Variants in LIG3 observed in about 807,000 individuals in gnomAD.
The protein encoded by LIG3 is DNA ligase 3, also known as ligase II, DNA, ATP-dependent.
LIG3 carries 58 observed loss-of-function variants against 110.9 expected under a neutral mutation model. The observed-to-expected ratio is 0.52, with a 90% CI of 0.42 to 0.65. LIG3 has a LOEUF of 0.65. Among genes scored for constraint, LIG3 ranks in the 30% least tolerant of loss-of-function variants. The pLI is 0.00. For missense variants in LIG3, 1,094 were observed against 1,273.8 expected (o/e 0.86, Z 2.15); for synonymous variants, 422 against 472.8 (o/e 0.89, Z 1.39).
chr17:34,996,471 T>C lies in LIG3; in HGVS notation c.1744-103T>C, dbSNP rs537340468. The C allele has an allele frequency of 2.7e-4, 261 of 978,016 alleles. 1 individual carries two copies. In the African/African-American group the frequency reaches 3.9e-3, roughly 15 times the overall value. The allele number at this position is 978,016 out of a possible 1,614,324, so 60.6% of individuals were successfully genotyped here. A position where few individuals can be genotyped will look rare whatever the true frequency, so the allele number is the denominator to read the frequency against. On this transcript the variant is annotated intron_variant, in intron 10 of 19. Coordinates refer to ENST00000378526, the MANE Select transcript of LIG3 (RefSeq NM_013975.4). Reference sequence around the variant, plus strand: ...GCTTCAGAGCAGAAATAGTACTTTTTCATCCGGTGCCTCAGGGGGCCTCCA... The same window carrying C: ...GCTTCAGAGCAGAAATAGTACTTTTCCATCCGGTGCCTCAGGGGGCCTCCA...
intron 1 of LIG3, chr17:34,981,622 C>T (rs1220615071): frequency 6.6e-6 from 1 of 152,148 alleles, no homozygotes; most frequent in Admixed American, 6.5e-5. Flanking sequence ...GAGTTTTCTC[C>T]GAGGTAACAG....
chr17:34,990,975 G>C lies in LIG3; in HGVS notation c.902G>C (p.Gly301Ala). The C allele has an allele frequency of 6.2e-7, 1 of 1,614,012 alleles. No homozygotes were observed. The highest frequency in any genetic ancestry group is 8.5e-7 in the Non-Finnish European group (1 of 1,179,930). ...RKGSAGDGFHGDVYLTVKLLL... is the reference protein window; with the variant it reads ...RKGSAGDGFHADVYLTVKLLL... ...CTTCTGTCTCCAGATGGTTTCCACG[G>C]TGATGTGTACCTAACAGTGAAGCTG... Residue 301 changes from glycine (G) to alanine (A), a missense_variant, in exon 5 of 20, where the codon GGT (glycine) becomes GCT (alanine). Gly to Ala is a moderately conservative substitution (Grantham distance 60). Transcript: ENST00000378526.
chr17:35,000,891 G>T (rs1477469187), intron 16 of LIG3, among the ~76,000 whole-genome samples: 1 of 151,560 alleles, frequency 6.6e-6, no homozygotes, highest in Non-Finnish European at 1.5e-5. Context: ...TGGGATTACA[G>T]ATGCAAGCCA....
intron 3 of LIG3, among the ~76,000 whole-genome samples, chr17:34,988,413 A>T (rs1308684658): frequency 6.6e-6 from 1 of 152,130 alleles, no homozygotes; most frequent in Non-Finnish European, 1.5e-5. Context: ...CCCTAAAATC[A>T]TATTTAGATT....
intron 1 of LIG3, chr17:34,981,559 T>A (rs948209498): frequency 6.6e-6 from 1 of 152,202 alleles, no homozygotes; most frequent in African/African-American, 2.4e-5. Flanking sequence ...CCCTGTGAGG[T>A]AGGTATTATT....
At chr17:35,010,063 C>T (rs917919492), downstream of LIG3, 3 of 152,302 alleles carry the variant, frequency 2.0e-5, no homozygotes, top group Non-Finnish European at 4.4e-5. Flanking sequence ...AGGTAAGTGG[C>T]CCAGTGTTCA....
rs1033322215 is a variant in LIG3, at chr17:34,997,429, G to A, written c.1824-309G>A. 5.8e-5 allele frequency: 17 copies of A among 295,060 alleles called. No homozygotes were observed. In the South Asian group the frequency reaches 7.2e-4, roughly 13 times the overall value. The allele number at this position is 295,060 out of a possible 1,614,324, so 18.3% of individuals were successfully genotyped here. On this transcript the variant is annotated intron_variant, in intron 11 of 19. Coordinates refer to ENST00000378526, the MANE Select transcript of LIG3 (RefSeq NM_013975.4). ...GGGATAAAAAATGAGAGTTGGAGTC[G>A]TATTTCAAGTGGGACCAGAATTTAT... is the stretch of plus-strand genomic sequence containing the variant.
Position 34,997,773 on chromosome 17 carries a change from A to G in LIG3, c.1859A>G (p.Asn620Ser), listed in dbSNP as rs188532751. Reference sequence around the variant, plus strand: ...GAGCGGCGGAAGTTTCTTCATGACAACATGGTTGAAATTCCAAACCGGATC... The same window carrying G: ...GAGCGGCGGAAGTTTCTTCATGACAGCATGGTTGAAATTCCAAACCGGATC... ...LCERRKFLHD[N>S]MVEIPNRIMF... Residue 620 changes from asparagine (N) to serine (S), a missense_variant, in exon 12 of 20, where the codon AAC (asparagine) becomes AGC (serine). By Grantham distance (46) the Asn-to-Ser change is conservative. Coordinates refer to ENST00000378526, the MANE Select transcript of LIG3 (RefSeq NM_013975.4). The G allele has an allele frequency of 3.7e-6, 6 of 1,614,184 alleles. No individual in the cohort carries two copies. In the East Asian group the frequency reaches 8.9e-5, roughly 24 times the overall value.
chr17:34,995,276 A>G (rs2090766541), intron 9 of LIG3, among the ~76,000 whole-genome samples: 1 of 152,184 alleles, frequency 6.6e-6, no homozygotes, highest in Admixed American at 6.5e-5. Context: ...GAGGAAGGCT[A>G]AGCAGTGGCC....
intron 9 of LIG3, among the ~76,000 whole-genome samples, chr17:34,994,810 C>T (rs886378564): frequency 1.3e-5 from 2 of 152,180 alleles, no homozygotes; most frequent in Non-Finnish European, 2.9e-5. Context: ...GGCTGTCATT[C>T]ATTAATTTGT....
intron 13 of LIG3, 40 bp downstream of exon 13, chr17:34,998,336 G>A (rs369385418): frequency 1.4e-4 from 220 of 1,549,872 alleles, no homozygotes; most frequent in Middle Eastern, 1.8e-4. Context: ...CGACTCACTC[G>A]CAGCCCTCTC....
rs138053033 is a variant in LIG3 at position 35,002,088 on chromosome 17, C to T, written c.2658C>T (p.Asn886=). Residue 886 remains asparagine, a synonymous_variant, in exon 18 of 20, where the codon AAC becomes AAT. Coordinates refer to ENST00000378526, the MANE Select transcript of LIG3 (RefSeq NM_013975.4). ...AGAAAGCAGAAGGGAAGCTGAGTAA[C>T]TCCAACAGCAAAGATGGTAAGGATA... ...STKKAEGKLS[N]SNSKDGNMQT... 431 of 1,587,064 alleles carry T rather than the reference C, an allele frequency of 2.7e-4. 1 individual carries two copies. The African/African-American group carries it at 5.4e-3, about 20-fold the overall frequency.
intron 9 of LIG3, among the ~76,000 whole-genome samples, chr17:34,995,021 C>G (rs2090763663): frequency 6.6e-6 from 1 of 152,160 alleles, no homozygotes; most frequent in Non-Finnish European, 1.5e-5. Flanking sequence ...TCTCCACTCC[C>G]AAGGATACTG....
intron 2 of LIG3, among the ~76,000 whole-genome samples, chr17:34,984,943 A>G (rs1445323938): frequency 1.3e-5 from 2 of 151,774 alleles, no homozygotes; most frequent in Admixed American, 6.6e-5. Context: ...ACACCCAGCT[A>G]ATTTTTGTGT....
Position 35,008,446 on chromosome 17 carries a change from T to C in LIG3, c.*3940T>C, listed in dbSNP as rs1411849893. The C allele has an allele frequency of 1.3e-5, 2 of 152,048 alleles. No individual in the cohort carries two copies. Among genetic ancestry groups the C allele is most frequent in the East Asian group, 3.9e-4 (2 of 5,178 alleles). The allele number at this position is 152,048 out of a possible 1,614,324, so 9.4% of individuals were successfully genotyped here. ...GTTTATCAGTTGTCAATTTTTTTTT[T>C]TTTTTAATACAGGGTCTCACTCTGT... is the stretch of plus-strand genomic sequence containing the variant. On this transcript the variant is annotated 3_prime_UTR_variant, in exon 20 of 20. Coordinates refer to ENST00000378526, the MANE Select transcript of LIG3 (RefSeq NM_013975.4).
At chr17:34,990,468 C>T (rs1019644525) in intron 4 of LIG3, among the ~76,000 whole-genome samples, 2 of 152,116 alleles carry the variant, frequency 1.3e-5, no homozygotes, top group Admixed American at 6.5e-5. Flanking sequence ...TTTGTAGAGA[C>T]GGGGTTTTGC....
At chr17:34,996,264 T>C in intron 10 of LIG3, 69 bp downstream of exon 10, 1 of 1,539,344 alleles carries the variant, frequency 6.5e-7, no homozygotes, top group Non-Finnish European at 8.9e-7. Context: ...GGGTGCACGC[T>C]GCGGTCTGAA....
At chr17:35,002,828 T>C in intron 19 of LIG3, 39 bp downstream of exon 19, 1 of 1,574,240 alleles carries the variant, frequency 6.4e-7, no homozygotes, top group Non-Finnish European at 8.6e-7. Flanking sequence ...TGGGCCAGTT[T>C]AGCCCAGGTT....
In LIG3 at chr17:34,980,689, C is replaced by T. The variant is rs1230963997; in HGVS notation, c.-5+67C>T. On this transcript the variant is annotated intron_variant, in intron 1 of 19. Transcript: ENST00000378526. The stretch of plus-strand genomic sequence containing the variant: ...CGTGGGGAAGGCAGCGGGCCCGGGG[C>T]GAGGAGCTCGGCGCGGCCGGGGAGC... The T allele has an allele frequency of 7.5e-6, 7 of 934,498 alleles. No individual in the cohort carries two copies. The East Asian group carries it at 5.5e-4, about 74-fold the overall frequency. The allele number at this position is 934,498 out of a possible 1,614,324, so 57.9% of individuals were successfully genotyped here. A position where few individuals can be genotyped will look rare whatever the true frequency, so the allele number is the denominator to read the frequency against.
Sources: gnomAD v4.1 joint callset for allele counts (sites outside exome capture counted in the v4.1 genomes callset) on GRCh38, gnomAD v4.1.1 for gene constraint, MANE v1.5 for transcripts, NCBI Gene and HGNC (gene_info 2026-07-23, HGNC 2026-07-21) for gene names.